The following PTPN3 variants were observed in gnomAD, a reference collection of about 807,000 sequenced individuals.
PTPN3 encodes the protein tyrosine-protein phosphatase non-receptor type 3.
Under a neutral mutation model 132.7 loss-of-function variants are expected in PTPN3, and 96 were observed. The observed-to-expected ratio is 0.72, with a 90% confidence interval of 0.61 to 0.86. The LOEUF (loss-of-function observed/expected upper bound fraction) is 0.86. Ranked by LOEUF, PTPN3 falls within the 40% of genes least tolerant of loss-of-function variation. The pLI is 0.00. For synonymous variants in PTPN3, 398 were observed against 429.0 expected (o/e 0.93, Z 0.89); for missense variants, 1,125 against 1,159.6 (o/e 0.97, Z 0.43).
intron 1 of PTPN3, among the ~76,000 whole-genome samples, chr9:109,497,242 G>T (rs1202845493): frequency 6.6e-6 from 1 of 152,112 alleles, no homozygotes; most frequent in Non-Finnish European, 1.5e-5. Flanking sequence ...TGAGAGCCAC[G>T]AGGGTCTCTA....
chr9:109,465,356 C>G (rs1846045719), intron 1 of PTPN3, among the ~76,000 whole-genome samples: 1 of 152,146 alleles, frequency 6.6e-6, no homozygotes. Context: ...GCGGGCGGGT[C>G]ACCTGAGGTC....
chr9:109,479,535 G>A (rs757465550), intron 1 of PTPN3, among the ~76,000 whole-genome samples: 4 of 152,182 alleles, frequency 2.6e-5, no homozygotes, highest in African/African-American at 4.8e-5. Context: ...AGGTATATAC[G>A]TAGGAGTAGG....
chr9:109,514,317 AT>A, the PTPN3 span, among the ~76,000 whole-genome samples: 1 of 152,118 alleles, frequency 6.6e-6, no homozygotes, highest in Non-Finnish European at 1.5e-5. Flanking sequence ...AAAACTTGCA[AT>A]GTAGGCTCTC....
Position 109,391,168 on chromosome 9 carries a change from A to G in PTPN3, c.2076T>C (p.Asn692=). ...CGTAACTTGCATTAATATAATCTTC[A>G]TTTCCCTGCAATAATACCCGGGTGG... ...YDTTRVLLQG[N]EDYINASYVN... is the part of the protein sequence containing the mutation. The change falls in exon 21 of 26, where the codon AAT becomes AAC. Residue 692 remains asparagine, a synonymous_variant. Transcript: ENST00000374541. The G allele has an allele frequency of 6.2e-7, 1 of 1,613,624 alleles. No homozygotes were observed. Among genetic ancestry groups the G allele is most frequent in the Non-Finnish European group, 8.5e-7 (1 of 1,179,712 alleles).
At chr9:109,415,061 TCCGTCCGTCCATCCAA>T (rs1166378763) in intron 14 of PTPN3, among the ~76,000 whole-genome samples, 1 of 56,132 alleles carries the variant, frequency 1.8e-5, no homozygotes, top group African/African-American at 6.1e-5. Context: ...CATCCGTCCA[TCCGTCCGTCCATCCAA>T]CCATCCATCC....
intron 22 of PTPN3, among the ~76,000 whole-genome samples, chr9:109,387,237 C>T (rs1047858705): frequency 1.3e-5 from 2 of 152,184 alleles, no homozygotes; most frequent in African/African-American, 4.8e-5. Context: ...TGGAAGGAAT[C>T]AGTGCCTAGA....
At chr9:109,383,011 A>G (rs932998939) in intron 23 of PTPN3, among the ~76,000 whole-genome samples, 6 of 152,086 alleles carry the variant, frequency 3.9e-5, no homozygotes, top group African/African-American at 1.4e-4. Context: ...TTCTGTCTCT[A>G]TGAATTGGAC....
chr9:109,475,491 C>G (rs138783763), intron 1 of PTPN3, among the ~76,000 whole-genome samples: 1 of 152,194 alleles, frequency 6.6e-6, no homozygotes, highest in Non-Finnish European at 1.5e-5. Context: ...GCTGTTTCTA[C>G]CTAAAATTAA....
intron 10 of PTPN3, among the ~76,000 whole-genome samples, chr9:109,432,502 C>G (rs530906494): frequency 6.6e-6 from 1 of 152,208 alleles, no homozygotes; most frequent in South Asian, 2.1e-4. Flanking sequence ...TGGTGTTTCC[C>G]CTAAGAAAGC....
chr9:109,430,095 A>G (rs543366308), intron 10 of PTPN3, among the ~76,000 whole-genome samples: 2 of 152,310 alleles, frequency 1.3e-5, no homozygotes, highest in South Asian at 4.1e-4. Flanking sequence ...TAATAGTCTA[A>G]GGATGAGAAG....
chr9:109,381,925 G>T, intron 24 of PTPN3, 138 bp from the exon 25 acceptor site: 6 of 1,035,866 alleles, frequency 5.8e-6, no homozygotes, highest in Non-Finnish European at 8.5e-6. Context: ...CTCACGGCGT[G>T]CTCTCAAACA....
chr9:109,383,299 G>T, intron 23 of PTPN3, 124 bp downstream of exon 23: 1 of 1,532,530 alleles, frequency 6.5e-7, no homozygotes, highest in East Asian at 2.3e-5. Context: ...GCAGTCTTGC[G>T]CACTTACTGA....
intron 19 of PTPN3, among the ~76,000 whole-genome samples, chr9:109,403,088 T>TATTA (rs1417238415): frequency 6.6e-6 from 1 of 152,126 alleles, no homozygotes; most frequent in Non-Finnish European, 1.5e-5. Flanking sequence ...TAAATAAATA[T>TATTA]ATTAATTAAT....
At chr9:109,451,930 T>G (rs1349840219) in intron 5 of PTPN3, among the ~76,000 whole-genome samples, 3 of 152,154 alleles carry the variant, frequency 2.0e-5, no homozygotes, top group Admixed American at 6.5e-5. Flanking sequence ...ACCTCCCAGT[T>G]GGTTGTACAA....
chr9:109,391,345 T>G (rs1362873175), intron 20 of PTPN3, 126 bp downstream of exon 20: 12 of 1,279,732 alleles, frequency 9.4e-6, no homozygotes, highest in Admixed American at 2.2e-5. Flanking sequence ...CTGAAATGGC[T>G]GCAATAAAGA....
upstream of PTPN3, among the ~76,000 whole-genome samples, chr9:109,502,415 T>A (rs936924895): frequency 6.6e-6 from 1 of 152,216 alleles, no homozygotes; most frequent in Non-Finnish European, 1.5e-5. Flanking sequence ...CATAAATACA[T>A]GGGCAAGTGG....
At chr9:109,439,915 GAA>G (rs376594856) in intron 7 of PTPN3, among the ~76,000 whole-genome samples, 3 of 122,150 alleles carry the variant, frequency 2.5e-5, no homozygotes, top group African/African-American at 6.1e-5. Flanking sequence ...TCTCAAAAAA[GAA>G]AAAAAAAAAA....
intron 5 of PTPN3, chr9:109,450,978 G>T (rs1175227623): frequency 4.1e-6 from 4 of 983,534 alleles, no homozygotes; most frequent in Non-Finnish European, 4.8e-6. Context: ...CAAAGCTGGG[G>T]TAAGATAACT....
intron 1 of PTPN3, among the ~76,000 whole-genome samples, chr9:109,474,645 A>C (rs1403884833): frequency 6.6e-6 from 1 of 152,224 alleles, no homozygotes; most frequent in African/African-American, 2.4e-5. Flanking sequence ...CACGCATGGT[A>C]TGGGAACTCC....
Sources: gnomAD v4.1 joint callset for allele counts (sites outside exome capture counted in the v4.1 genomes callset) on GRCh38, gnomAD v4.1.1 for gene constraint, MANE v1.5 for transcripts, NCBI Gene and HGNC (gene_info 2026-07-23, HGNC 2026-07-21) for gene names.